Variants in PRR16 observed in about 807,000 individuals in gnomAD.
PRR16 encodes the protein protein Largen.
A neutral mutation model predicts 18.2 loss-of-function variants in PRR16; 6 were observed. The observed-to-expected ratio is 0.33, with a 90% confidence interval of 0.18 to 0.65. PRR16 has a LOEUF of 0.65. Ranked by LOEUF, PRR16 falls within the 30% of genes least tolerant of loss-of-function variation. The pLI, the probability that PRR16 is intolerant of heterozygous loss-of-function variation, is 0.74. For synonymous variants in PRR16, 151 were observed against 147.8 expected (o/e 1.02, Z -0.16); for missense variants, 412 against 376.6 (o/e 1.09, Z -0.78).
the PRR16 span, among the ~76,000 whole-genome samples, chr5:120,695,186 C>CT: frequency 4.6e-5 from 7 of 151,978 alleles, no homozygotes; most frequent in African/African-American, 7.2e-5. Flanking sequence ...TTTATTTTAT[C>CT]TTTTTTTAAA....
chr5:120,546,394 C>T lies in PRR16; in HGVS notation c.159+81749C>T, dbSNP rs376505140. ...GCTCCCTCCCTACCACTCAAAGTCTCTCCCCAGTACCTCAACAGGTCTTCC... is the reference window on the plus strand; with the variant it reads ...GCTCCCTCCCTACCACTCAAAGTCTTTCCCCAGTACCTCAACAGGTCTTCC... On this transcript the variant is annotated intron_variant, in intron 1 of 1. Coordinates refer to ENST00000407149, the MANE Select transcript of PRR16 (RefSeq NM_001300783.2). Among the ~76,000 whole-genome samples, 4 of 152,224 alleles carry T rather than the reference C, an allele frequency of 2.6e-5. No individual in the cohort carries two copies. The East Asian group carries it at 7.7e-4, about 29-fold the overall frequency.
chr5:120,494,191 C>G (rs1217944313), intron 1 of PRR16, among the ~76,000 whole-genome samples: 1 of 152,138 alleles, frequency 6.6e-6, no homozygotes, highest in African/African-American at 2.4e-5. Flanking sequence ...TCCTCACCAG[C>G]ATTTGATATC....
chr5:120,549,816 A>C (rs1453680277), intron 1 of PRR16, among the ~76,000 whole-genome samples: 1 of 152,070 alleles, frequency 6.6e-6, no homozygotes. Context: ...ATCCACAGAA[A>C]CATTGCCAGA....
At chr5:120,676,236 A>G (rs564420158) in intron 1 of PRR16, among the ~76,000 whole-genome samples, 34 of 152,322 alleles carry the variant, frequency 2.2e-4, no homozygotes, top group African/African-American at 7.7e-4. Context: ...ATTCCCCAGT[A>G]TCCATGTATC....
intron 1 of PRR16, among the ~76,000 whole-genome samples, chr5:120,620,828 C>T (rs1157702512): frequency 6.6e-6 from 1 of 152,134 alleles, no homozygotes; most frequent in Non-Finnish European, 1.5e-5. Context: ...CATAGCTTTA[C>T]ATACCAACTA....
chr5:120,755,837 G>A, the PRR16 span, among the ~76,000 whole-genome samples: 1 of 152,044 alleles, frequency 6.6e-6, no homozygotes, highest in Non-Finnish European at 1.5e-5. Context: ...GCACAAAAAA[G>A]CAACAAAAGA....
At chr5:120,675,590 T>G (rs974355203) in intron 1 of PRR16, among the ~76,000 whole-genome samples, 1 of 152,218 alleles carries the variant, frequency 6.6e-6, no homozygotes, top group Non-Finnish European at 1.5e-5. Context: ...TAGATTTCAC[T>G]TTTCTCTGAA....
chr5:120,633,595 C>G (rs1755129994), intron 1 of PRR16, among the ~76,000 whole-genome samples: 1 of 151,976 alleles, frequency 6.6e-6, no homozygotes, highest in Admixed American at 6.6e-5. Context: ...ACAAAACAAA[C>G]TTTAAAGTAA....
chr5:120,720,014 G>A, the PRR16 span, among the ~76,000 whole-genome samples: 55 of 152,068 alleles, frequency 3.6e-4, no homozygotes, highest in East Asian at 7.4e-3. Flanking sequence ...TGCACATAGT[G>A]GAAGGTTTTA....
chr5:120,672,511 G>T (rs376505350), intron 1 of PRR16, among the ~76,000 whole-genome samples: 3 of 140,624 alleles, frequency 2.1e-5, no homozygotes, highest in Non-Finnish European at 4.6e-5. Flanking sequence ...TTAATTAAAG[G>T]CTTTTAATAA....
chr5:120,497,602 A>G (rs1288594118), intron 1 of PRR16, among the ~76,000 whole-genome samples: 3 of 151,206 alleles, frequency 2.0e-5, no homozygotes, highest in Non-Finnish European at 4.4e-5. Flanking sequence ...TGTTGGCCAG[A>G]CTGGTCTCGA....
At chr5:120,735,544 T>G in the PRR16 span, among the ~76,000 whole-genome samples, 2 of 152,204 alleles carry the variant, frequency 1.3e-5, no homozygotes, top group Non-Finnish European at 2.9e-5. Context: ...TATGTGGTTT[T>G]GATTTCCTTT....
At chr5:120,754,561 ATAT>A in the PRR16 span, among the ~76,000 whole-genome samples, 3 of 64,210 alleles carry the variant, frequency 4.7e-5, no homozygotes, top group South Asian at 1.4e-3. Flanking sequence ...AATATATATT[ATAT>A]AATATATTTA....
the PRR16 span, among the ~76,000 whole-genome samples, chr5:120,708,447 A>G: frequency 1.3e-5 from 2 of 152,174 alleles, no homozygotes; most frequent in Non-Finnish European, 2.9e-5. Flanking sequence ...TCCTGGTTGA[A>G]TTTTAATTGT....
At chr5:120,735,628 T>A in the PRR16 span, among the ~76,000 whole-genome samples, 1 of 151,812 alleles carries the variant, frequency 6.6e-6, no homozygotes, top group Admixed American at 6.6e-5. Flanking sequence ...GAGAAATGAC[T>A]ATTCAAGTCC....
Position 120,491,105 on chromosome 5 carries a change from G to A in PRR16, c.159+26460G>A, listed in dbSNP as rs187729322. On this transcript the variant is annotated intron_variant, in intron 1 of 1. Transcript: ENST00000407149. ...AGTTAGGCTACTCGGGGTCAGGGAC[G>A]CACTTGAGGAGGCAGTCTGTCCGTT... 3.9e-5 allele frequency among the ~76,000 whole-genome samples: 6 copies of A among 152,232 alleles called. No homozygotes were observed. In the East Asian group the frequency reaches 5.8e-4, roughly 15 times the overall value.
At chr5:120,719,396 AT>A in the PRR16 span, among the ~76,000 whole-genome samples, 1 of 152,020 alleles carries the variant, frequency 6.6e-6, no homozygotes, top group East Asian at 1.9e-4. Context: ...ACTAAACATC[AT>A]TAAAGTATTA....
chr5:120,561,302 G>A (rs1002304237), intron 1 of PRR16, among the ~76,000 whole-genome samples: 2 of 151,742 alleles, frequency 1.3e-5, no homozygotes, highest in African/African-American at 4.8e-5. Context: ...CATAGGTTTC[G>A]GAATGTTATG....
intron 1 of PRR16, among the ~76,000 whole-genome samples, chr5:120,548,809 A>G (rs1314944036): frequency 6.6e-6 from 1 of 152,054 alleles, no homozygotes; most frequent in Non-Finnish European, 1.5e-5. Context: ...AGTGATATAC[A>G]CCACTGCGTG....
Sources: gnomAD v4.1 joint callset for allele counts (sites outside exome capture counted in the v4.1 genomes callset) on GRCh38, gnomAD v4.1.1 for gene constraint, MANE v1.5 for transcripts, NCBI Gene and HGNC (gene_info 2026-07-23, HGNC 2026-07-21) for gene names.